MOB3A: variants seen among roughly 807,000 people sequenced by gnomAD.
The protein encoded by MOB3A is MOB LAK.
In MOB3A, 17 loss-of-function variants were observed where a neutral mutation model predicts 17.8. That is an observed-to-expected ratio of 0.95 (90% CI 0.65 to 1.43). MOB3A has a LOEUF of 1.43. Among genes scored for constraint, MOB3A ranks in the 40% most tolerant of loss-of-function variants. The probability of loss-of-function intolerance (pLI) is 0.00; values close to 1 mark genes in which losing one functional copy is unlikely to be tolerated. For synonymous variants in MOB3A, 124 were observed against 133.2 expected, an observed-to-expected ratio of 0.93 and a Z score of 0.48; for missense variants, 333 against 310.8, an observed-to-expected ratio of 1.07 and a Z score of -0.54.
chr19:2,075,361 G>C (rs2017391278), intron 4 of MOB3A, among the ~76,000 whole-genome samples: 1 of 152,214 alleles, frequency 6.6e-6, no homozygotes. Context: ...TTGTAAGAGA[G>C]TGGTGGCTCC....
At chr19:2,081,786 A>C (rs2017493271) in intron 2 of MOB3A, among the ~76,000 whole-genome samples, 1 of 152,162 alleles carries the variant, frequency 6.6e-6, no homozygotes. Context: ...TGGGAGGCTG[A>C]GGCAGGAGAA....
chr19:2,084,627 G>C (rs1003964866), intron 2 of MOB3A, among the ~76,000 whole-genome samples: 2 of 151,210 alleles, frequency 1.3e-5, no homozygotes, highest in African/African-American at 4.9e-5. Context: ...ATCTTACTCT[G>C]TCGCCCAGGC....
chr19:2,073,568 A>T, intron 4 of MOB3A, 144 bp from the exon 5 acceptor site: 1 of 1,040,500 alleles, frequency 9.6e-7, no homozygotes, highest in Non-Finnish European at 1.5e-6. Flanking sequence ...CCACACAGGC[A>T]ATGGCACACC....
At chr19:2,083,910 C>T (rs2017520579) in intron 2 of MOB3A, among the ~76,000 whole-genome samples, 4 of 152,186 alleles carry the variant, frequency 2.6e-5, no homozygotes, top group East Asian at 1.9e-4. Flanking sequence ...AGGGAGAAAG[C>T]GGCTGTTCCC....
intron 4 of MOB3A, among the ~76,000 whole-genome samples, chr19:2,075,319 C>T (rs1382473032): frequency 5.3e-5 from 8 of 152,184 alleles, no homozygotes; most frequent in African/African-American, 1.9e-4. Context: ...TGGGAGCCAC[C>T]TCGTCCGTCC....
chr19:2,077,042 C>G, intron 3 of MOB3A, 29 bp from the exon 4 acceptor site: 1 of 1,588,992 alleles, frequency 6.3e-7, no homozygotes, highest in Non-Finnish European at 8.6e-7. Flanking sequence ...GACGGGTCCA[C>G]GGACTCAGCC....
At chr19:2,076,502 A>T (rs2017410483) in intron 4 of MOB3A, among the ~76,000 whole-genome samples, 1 of 152,216 alleles carries the variant, frequency 6.6e-6, no homozygotes, top group Non-Finnish European at 1.5e-5. Flanking sequence ...CATCCCTTTC[A>T]TAAGGGACAC....
At chr19:2,079,473 G>A (rs766595282) in intron 2 of MOB3A, among the ~76,000 whole-genome samples, 3 of 152,188 alleles carry the variant, frequency 2.0e-5, no homozygotes, top group African/African-American at 4.8e-5. Context: ...AGGCAGATAC[G>A]GGGGAGACGG....
intron 2 of MOB3A, 52 bp from the exon 3 acceptor site, chr19:2,078,731 A>C: frequency 3.2e-6 from 2 of 625,972 alleles, no homozygotes; most frequent in Admixed American, 3.4e-5. Context: ...AATTTCCCGG[A>C]AACTCGTGCT....
At position 2,081,320 on chromosome 19, in the gene MOB3A, G is replaced by T. The variant is rs558310239; in HGVS notation, c.-119-2641C>A. Among the ~76,000 whole-genome samples the T allele has an allele frequency of 3.9e-5, 6 of 152,222 alleles. No homozygotes were observed. The South Asian group carries it at 6.2e-4, about 16-fold the overall frequency. The stretch of plus-strand genomic sequence containing the variant: ...AGCAAGTTAGAGGCCGGGCGTGGTG[G>T]CTCACGCCTGTAATCCCGGCACTTT... On this transcript the variant is annotated intron_variant, in intron 2 of 4. Coordinates refer to ENST00000357066, the MANE Select transcript of MOB3A (RefSeq NM_130807.3).
chr19:2,084,070 C>T (rs1321215944), intron 2 of MOB3A: 1 of 454,600 alleles, frequency 2.2e-6, no homozygotes, highest in East Asian at 7.0e-5. Flanking sequence ...CCGTGCCTGG[C>T]TGAGGCTTAT....
At position 2,093,058 on chromosome 19, in the gene MOB3A, A is replaced by G. The variant is rs2017631451; in HGVS notation, c.-274+3168T>C. Among the ~76,000 whole-genome samples the G allele has an allele frequency of 6.6e-6, 1 of 151,952 alleles. No individual in the cohort carries two copies. The highest frequency in any genetic ancestry group is 2.4e-5 in the African/African-American group (1 of 41,366). ...GCTCATCGGCTGGGGAAGGTCTAAA[A>G]CTCCCCACCTTAAAACCCCAAGCTC... On this transcript the variant is annotated intron_variant, in intron 1 of 4. Coordinates refer to ENST00000357066, the MANE Select transcript of MOB3A (RefSeq NM_130807.3). The surrounding 1 kb of genome is among the most constrained non-coding windows in gnomAD (Gnocchi z 4.6).
Position 2,093,384 on chromosome 19 carries a change from A to G in MOB3A, c.-274+2842T>C, listed in dbSNP as rs1422275848. Among the ~76,000 whole-genome samples the G allele has an allele frequency of 6.6e-6, 1 of 152,116 alleles. No homozygotes were observed. Among genetic ancestry groups the G allele is most frequent in the East Asian group, 1.9e-4 (1 of 5,164 alleles). On this transcript the variant is annotated intron_variant, in intron 1 of 4. Transcript: ENST00000357066. The surrounding 1 kb of genome is among the most constrained non-coding windows in gnomAD (Gnocchi z 4.6). ...GTCTTCCTGGCATTTAGAAGGTCAA[A>G]TGGCTTAAGCTGAAAAGGCAAATCC...
At chr19:2,073,543 C>A (rs1039589620) in intron 4 of MOB3A, 119 bp from the exon 5 acceptor site, 9 of 1,364,388 alleles carry the variant, frequency 6.6e-6, no homozygotes, top group Middle Eastern at 1.8e-4. Flanking sequence ...TCCCTGAACA[C>A]CCAAACAACA....
Position 2,078,191 on chromosome 19 carries a change from C to A in MOB3A, c.370G>T (p.Asp124Tyr), listed in dbSNP as rs751838168. The change falls in exon 3 of 5, where the codon GAC becomes TAC. Residue 124 changes from aspartate (D) to tyrosine (Y), a missense_variant. Transcript: ENST00000357066. Reference protein sequence around the residue: ...SAPRYMDLLMDWIEAQINNED... With the variant: ...SAPRYMDLLMYWIEAQINNED... ...TTGTTGATCTGCGCCTCGATCCAGT[C>A]CATCAGCAGGTCCATGTACCTGGGC... 2 of 1,606,154 alleles carry A rather than the reference C, an allele frequency of 1.2e-6. No individual in the cohort carries two copies. Among genetic ancestry groups the A allele is most frequent in the Non-Finnish European group, 8.5e-7 (1 of 1,173,836 alleles).
At chr19:2,074,399 GAAAAGA>G (rs1483539811) in intron 4 of MOB3A, among the ~76,000 whole-genome samples, 1 of 149,620 alleles carries the variant, frequency 6.7e-6, no homozygotes, top group Middle Eastern at 3.2e-3. Flanking sequence ...AAAGAAAAAA[GAAAAGA>G]AAAAGAAAGA....
chr19:2,079,536 C>T (rs1054259686), intron 2 of MOB3A, among the ~76,000 whole-genome samples: 8 of 152,164 alleles, frequency 5.3e-5, no homozygotes, highest in Non-Finnish European at 1.2e-4. Flanking sequence ...AGCGAAGGGT[C>T]GCCCAGGATG....
intron 1 of MOB3A, among the ~76,000 whole-genome samples, chr19:2,087,590 G>GGCTGCAGTGAGCTATGATTGTGCC (rs1479150634): frequency 2.0e-5 from 3 of 152,224 alleles, no homozygotes; most frequent in African/African-American, 7.2e-5. Flanking sequence ...AGGAGATCAA[G>GGCTGCAGTGAGCTATGATTGTGCC]GCTGCAGTGA....
intron 1 of MOB3A, among the ~76,000 whole-genome samples, chr19:2,090,589 G>A (rs2017602731): frequency 6.6e-6 from 1 of 152,166 alleles, no homozygotes; most frequent in South Asian, 2.1e-4. Flanking sequence ...CCCCACACAG[G>A]AAGTAACAAC....
Sources: gnomAD v4.1 joint callset for allele counts (sites outside exome capture counted in the v4.1 genomes callset) on GRCh38, gnomAD v4.1.1 for gene constraint, Gnocchi (gnomAD v3.1) non-coding constraint, MANE v1.5 for transcripts, NCBI Gene and HGNC (gene_info 2026-07-23, HGNC 2026-07-21) for gene names.